MEF2C: variants seen among roughly 807,000 people sequenced by gnomAD.
MEF2C encodes myocyte enhancer factor 2C.
A neutral mutation model predicts 50.5 loss-of-function variants in MEF2C; 6 were observed. The observed-to-expected ratio is 0.12, with a 90% confidence interval of 0.07 to 0.23. MEF2C has a LOEUF of 0.23. Among genes scored for constraint, MEF2C ranks in the 10% least tolerant of loss-of-function variants. MEF2C has a pLI of 1.00. For synonymous variants in MEF2C, 183 were observed against 228.0 expected (o/e 0.80, Z 1.78); for missense variants, 276 against 605.0 (o/e 0.46, Z 5.70).
intron 3 of MEF2C, chr5:88,770,019 T>C: frequency 6.1e-6 from 6 of 985,110 alleles, no homozygotes; most frequent in Non-Finnish European, 7.2e-6. Context: ...GTAGGTTGTT[T>C]TGAAGAATGG....
At position 88,764,487 on chromosome 5, in the gene MEF2C, T is replaced by C. The variant is rs112642846; in HGVS notation, c.259-3159A>G. 4.7e-3 allele frequency among the ~76,000 whole-genome samples: 722 copies of C among 152,260 alleles called. 4 individuals carry two copies. Among genetic ancestry groups the C allele is most frequent in the African/African-American group, 0.017 (700 of 41,550 alleles). ...GATCTCTCTCACTCATATGTAACTA[T>C]AGTTAGGACACTGGACGCTGAAATA... On this transcript the variant is annotated intron_variant, in intron 3 of 10. Coordinates refer to ENST00000504921, the MANE Select transcript of MEF2C (RefSeq NM_002397.5).
intron 1 of MEF2C, among the ~76,000 whole-genome samples, chr5:88,859,553 C>A (rs1292482181): frequency 6.6e-6 from 1 of 152,128 alleles, no homozygotes; most frequent in Non-Finnish European, 1.5e-5. Flanking sequence ...TGTTCTATAG[C>A]AAGAGGAAAG....
chr5:88,893,208 G>A (rs17560514), intron 1 of MEF2C, among the ~76,000 whole-genome samples: 27,661 of 152,112 alleles, frequency 0.18, 2,777 homozygotes, highest in Non-Finnish European at 0.23. Flanking sequence ...TAGTTATTAA[G>A]TGAAGACCCC....
intron 6 of MEF2C, chr5:88,738,847 T>C: frequency 1.7e-5 from 17 of 985,326 alleles, no homozygotes; most frequent in Non-Finnish European, 2.0e-5. Flanking sequence ...AGAATGGTGA[T>C]GTTCAAACCA....
intron 1 of MEF2C, among the ~76,000 whole-genome samples, chr5:88,831,899 T>C (rs1269265030): frequency 6.6e-6 from 1 of 152,106 alleles, no homozygotes; most frequent in African/African-American, 2.4e-5. Context: ...AAATCTGATC[T>C]TCTGACAGCA....
intron 3 of MEF2C, among the ~76,000 whole-genome samples, chr5:88,773,472 G>T (rs1380503770): frequency 6.6e-6 from 1 of 152,096 alleles, no homozygotes; most frequent in East Asian, 1.9e-4. Flanking sequence ...TTCTTCCTTA[G>T]AACTATATAA....
intron 1 of MEF2C, among the ~76,000 whole-genome samples, chr5:88,842,767 T>C (rs1817847318): frequency 6.6e-6 from 1 of 152,214 alleles, no homozygotes. Flanking sequence ...GTCAACTTCC[T>C]AGATACATTT....
chr5:88,769,928 G>A, intron 3 of MEF2C: 1 of 979,666 alleles, frequency 1.0e-6, no homozygotes, highest in Non-Finnish European at 1.2e-6. Context: ...TTATGGGCAT[G>A]GGCCACTGTG....
chr5:88,736,186 C>T (rs1763993178), intron 6 of MEF2C: 2 of 984,840 alleles, frequency 2.0e-6, no homozygotes, highest in South Asian at 9.4e-5. Context: ...GCTTCCATCA[C>T]CATTTGAATA....
intron 1 of MEF2C, among the ~76,000 whole-genome samples, chr5:88,862,196 T>C (rs1825731986): frequency 6.6e-6 from 1 of 152,250 alleles, no homozygotes; most frequent in African/African-American, 2.4e-5. Flanking sequence ...ATGTGGTTCA[T>C]TTTATGGTAA....
intron 3 of MEF2C, among the ~76,000 whole-genome samples, chr5:88,792,008 A>T (rs2152970319): frequency 6.6e-6 from 1 of 152,156 alleles, no homozygotes; most frequent in African/African-American, 2.4e-5. Flanking sequence ...AGACTTACTT[A>T]GTCACTAGCA....
intron 1 of MEF2C, among the ~76,000 whole-genome samples, chr5:88,852,122 C>T (rs72773810): frequency 0.04 from 6,062 of 151,946 alleles, 187 homozygotes; most frequent in South Asian, 0.059. Context: ...CATCATAACA[C>T]GATTAAAAGA....
At chr5:88,739,122 T>G in intron 6 of MEF2C, 6 of 985,360 alleles carry the variant, frequency 6.1e-6, no homozygotes, top group Non-Finnish European at 7.2e-6. Context: ...CAGTGAAATG[T>G]CCAGTATTTT....
At chr5:88,794,330 C>T (rs1262125137) in intron 3 of MEF2C, among the ~76,000 whole-genome samples, 1 of 152,144 alleles carries the variant, frequency 6.6e-6, no homozygotes, top group Non-Finnish European at 1.5e-5. Context: ...TTTTAATGAT[C>T]ACCATTCTAA....
intron 3 of MEF2C, among the ~76,000 whole-genome samples, chr5:88,787,953 T>C (rs1331641758): frequency 1.3e-5 from 2 of 152,180 alleles, no homozygotes; most frequent in East Asian, 1.9e-4. Flanking sequence ...CAAAATCACA[T>C]AGACTTTAAC....
chr5:88,733,271 T>G, intron 6 of MEF2C: 1 of 985,192 alleles, frequency 1.0e-6, no homozygotes, highest in South Asian at 4.7e-5. Context: ...AAGAGCATGG[T>G]AAGGGGCACT....
At chr5:88,878,875 G>A (rs1831936896) in intron 1 of MEF2C, among the ~76,000 whole-genome samples, 1 of 151,938 alleles carries the variant, frequency 6.6e-6, no homozygotes, top group Non-Finnish European at 1.5e-5. Context: ...TGAAAGCTTT[G>A]TTATTTACCT....
intron 10 of MEF2C, among the ~76,000 whole-genome samples, chr5:88,724,616 A>T (rs1169260276): frequency 6.6e-6 from 1 of 152,130 alleles, no homozygotes; most frequent in East Asian, 1.9e-4. Flanking sequence ...GGAGCTATTT[A>T]TTTGTAGCTT....
intron 6 of MEF2C, chr5:88,741,925 G>T: frequency 1.0e-6 from 1 of 985,144 alleles, no homozygotes; most frequent in Non-Finnish European, 1.2e-6. Flanking sequence ...TTTATCCAAG[G>T]TTCTTGGTAT....
Sources: gnomAD v4.1 joint callset for allele counts (sites outside exome capture counted in the v4.1 genomes callset) on GRCh38, gnomAD v4.1.1 for gene constraint, MANE v1.5 for transcripts, NCBI Gene and HGNC (gene_info 2026-07-23, HGNC 2026-07-21) for gene names.